TMEM207: variants seen among roughly 807,000 people sequenced by gnomAD.
TMEM207 encodes transmembrane protein 207, also known as SRSR846.
In TMEM207, 15 loss-of-function variants were observed where a neutral mutation model predicts 17.4. The ratio of observed to expected loss-of-function variants is 0.86; its 90% CI spans 0.58 to 1.33. TMEM207 has a LOEUF of 1.33. Among genes scored for constraint, TMEM207 ranks in the 40% most tolerant of loss-of-function variants. The pLI, the probability that TMEM207 is intolerant of heterozygous loss-of-function variation, is 0.00. For synonymous variants in TMEM207, 70 were observed against 65.6 expected (o/e 1.07, Z -0.33); for missense variants, 205 against 173.8 (o/e 1.18, Z -1.01).
intron 1 of TMEM207, 36 bp downstream of exon 1, chr3:190,449,699 C>G (rs373795206): frequency 1.2e-6 from 2 of 1,604,918 alleles, no homozygotes; most frequent in African/African-American, 2.7e-5. Flanking sequence ...CTCAGAGTAC[C>G]TCTGAAAACC....
In TMEM207 at chr3:190,429,149, A is replaced by G. The variant is rs1190826494; in HGVS notation, c.*446T>C. The stretch of plus-strand genomic sequence containing the variant: ...CTCCCCTCACCTTCATTCAAATACT[A>G]TCTTTCTGGTTCTGGTTCTGGACAT... On this transcript the variant is annotated 3_prime_UTR_variant, in exon 5 of 5. Coordinates refer to ENST00000354905, the MANE Select transcript of TMEM207 (RefSeq NM_207316.3). The G allele has an allele frequency of 6.5e-6, 1 of 153,192 alleles. No individual in the cohort carries two copies. The highest frequency in any genetic ancestry group is 1.5e-5 in the Non-Finnish European group (1 of 68,860). The allele number at this position is 153,192 out of a possible 1,614,324, so 9.5% of individuals were successfully genotyped here. A position where few individuals can be genotyped will look rare whatever the true frequency, so the allele number is the denominator to read the frequency against.
intron 4 of TMEM207, among the ~76,000 whole-genome samples, chr3:190,430,547 A>G (rs1431752417): frequency 6.6e-6 from 1 of 151,548 alleles, no homozygotes; most frequent in African/African-American, 2.4e-5. Context: ...ATAAATGCTT[A>G]TATGTAAAGA....
Position 190,440,120 on chromosome 3 carries a change from G to T in TMEM207, c.304+124C>A, listed in dbSNP as rs1362350599. 1.2e-5 allele frequency: 14 copies of T among 1,130,976 alleles called. No individual in the cohort carries two copies. The South Asian group carries it at 1.8e-4, about 14-fold the overall frequency. 70.1% of individuals were successfully genotyped at this position (1,130,976 alleles called of 1,614,324 possible). Reference sequence around the variant, plus strand: ...TTAAACTCTCCTCAGTGCAGGCCTTGGTGTCTCCAATAAGCCACATCTTTT... The same window carrying T: ...TTAAACTCTCCTCAGTGCAGGCCTTTGTGTCTCCAATAAGCCACATCTTTT... On this transcript the variant is annotated intron_variant, in intron 4 of 4. Coordinates refer to ENST00000354905, the MANE Select transcript of TMEM207 (RefSeq NM_207316.3).
intron 3 of TMEM207, among the ~76,000 whole-genome samples, chr3:190,440,772 A>C (rs1260168554): frequency 6.6e-6 from 1 of 152,224 alleles, no homozygotes; most frequent in African/African-American, 2.4e-5. Flanking sequence ...ATAGGAATTC[A>C]AAAGTAGGCA....
At chr3:190,429,834 A>G (rs1348490510) in intron 4 of TMEM207, 103 bp from the exon 5 acceptor site, 3 of 1,341,646 alleles carry the variant, frequency 2.2e-6, no homozygotes, top group South Asian at 3.5e-5. Flanking sequence ...CGCTGAAGCA[A>G]CAGAAAATTA....
At chr3:190,446,387 G>T (rs1241339829) in intron 2 of TMEM207, among the ~76,000 whole-genome samples, 2 of 152,174 alleles carry the variant, frequency 1.3e-5, no homozygotes, top group African/African-American at 2.4e-5. Flanking sequence ...GATAACAAAA[G>T]ATTTGAGATA....
intron 4 of TMEM207, among the ~76,000 whole-genome samples, chr3:190,432,409 T>C (rs1341088918): frequency 1.3e-5 from 2 of 152,178 alleles, no homozygotes; most frequent in African/African-American, 4.8e-5. Flanking sequence ...AGAATGATAG[T>C]GAACCTTCAT....
At chr3:190,449,161 G>A (rs1005854734) in intron 1 of TMEM207, among the ~76,000 whole-genome samples, 1 of 152,096 alleles carries the variant, frequency 6.6e-6, no homozygotes, top group East Asian at 1.9e-4. Flanking sequence ...CAACACATTA[G>A]CTGTCAAACT....
chr3:190,448,029 A>G (rs1720088053), intron 1 of TMEM207, among the ~76,000 whole-genome samples: 1 of 152,210 alleles, frequency 6.6e-6, no homozygotes, highest in Non-Finnish European at 1.5e-5. Context: ...GCAGTGGCAG[A>G]AGATATATAT....
rs1326512831 is a variant in TMEM207, at chr3:190,443,765, A to C, written c.114-2283T>G. On this transcript the variant is annotated intron_variant, in intron 2 of 4. Coordinates refer to ENST00000354905, the MANE Select transcript of TMEM207 (RefSeq NM_207316.3). Reference sequence around the variant, plus strand: ...TAATTACTCAAATATTACTTCCAAGATATTCAGTATAGGAAAGGTTATATT... The same window carrying C: ...TAATTACTCAAATATTACTTCCAAGCTATTCAGTATAGGAAAGGTTATATT... 2.0e-5 allele frequency among the ~76,000 whole-genome samples: 3 copies of C among 152,202 alleles called. No individual in the cohort carries two copies. The East Asian group carries it at 5.8e-4, about 29-fold the overall frequency.
At chr3:190,437,794 C>A (rs540870587) in intron 4 of TMEM207, among the ~76,000 whole-genome samples, 35 of 151,790 alleles carry the variant, frequency 2.3e-4, no homozygotes, top group Admixed American at 1.3e-3. Context: ...AAGACACATG[C>A]ACACGTATGT....
rs748824298 is a variant in TMEM207 at position 190,444,391 on chromosome 3, G to T, written c.114-2909C>A. 20 of 983,752 alleles carry T rather than the reference G, an allele frequency of 2.0e-5. No homozygotes were observed. In the Admixed American group the frequency reaches 5.5e-4, roughly 27 times the overall value. 60.9% of individuals were successfully genotyped at this position (983,752 alleles called of 1,614,324 possible). On this transcript the variant is annotated intron_variant, in intron 2 of 4. Transcript: ENST00000354905. ...AGTTCATGTCTCTTATCACCATGTC[G>T]TGGTGCGACTGGGACAGTAATAGCC...
chr3:190,444,466 A>G (rs1295748078), intron 2 of TMEM207: 1 of 984,710 alleles, frequency 1.0e-6, no homozygotes, highest in East Asian at 1.1e-4. Flanking sequence ...TGAATCCAGT[A>G]TCCCGTGTTC....
chr3:190,435,677 G>T (rs987097231), intron 4 of TMEM207, among the ~76,000 whole-genome samples: 6 of 152,170 alleles, frequency 3.9e-5, no homozygotes, highest in African/African-American at 1.4e-4. Context: ...CCACACTTCA[G>T]GGGTATAGAT....
chr3:190,439,650 C>T (rs1231019658), intron 4 of TMEM207, among the ~76,000 whole-genome samples: 1 of 152,138 alleles, frequency 6.6e-6, no homozygotes, highest in Non-Finnish European at 1.5e-5. Flanking sequence ...CTGTTCTTTA[C>T]TTCCTTATGC....
At chr3:190,435,886 A>C (rs1428941733) in intron 4 of TMEM207, among the ~76,000 whole-genome samples, 1 of 152,268 alleles carries the variant, frequency 6.6e-6, no homozygotes, top group Admixed American at 6.5e-5. Context: ...TACCTTTATA[A>C]GGATCCAAGC....
At chr3:190,434,877 T>C (rs1719767584) in intron 4 of TMEM207, among the ~76,000 whole-genome samples, 1 of 152,162 alleles carries the variant, frequency 6.6e-6, no homozygotes, top group Non-Finnish European at 1.5e-5. Flanking sequence ...GAGGAGATTC[T>C]GGAGCTGGGA....
intron 2 of TMEM207, among the ~76,000 whole-genome samples, chr3:190,443,156 T>C (rs6791091): frequency 6.7e-6 from 1 of 150,260 alleles, no homozygotes; most frequent in Non-Finnish European, 1.5e-5. Flanking sequence ...TTTTTTTTTT[T>C]TTTGTTTTGT....
At chr3:190,430,971 C>T (rs116661199) in intron 4 of TMEM207, among the ~76,000 whole-genome samples, 1,732 of 152,160 alleles carry the variant, frequency 0.011, 28 homozygotes, top group African/African-American at 0.04. Context: ...AGGATCCATA[C>T]GGAGATTACT....
Sources: gnomAD v4.1 joint callset for allele counts (sites outside exome capture counted in the v4.1 genomes callset) on GRCh38, gnomAD v4.1.1 for gene constraint, MANE v1.5 for transcripts, NCBI Gene and HGNC (gene_info 2026-07-23, HGNC 2026-07-21) for gene names.